SRGAP2: variants seen among roughly 807,000 people sequenced by gnomAD.
SRGAP2 encodes the protein SLIT-ROBO Rho GTPase-activating protein 2.
In SRGAP2, 15 loss-of-function variants were observed where a neutral mutation model predicts 57.2. The observed-to-expected ratio is 0.26, with a 90% confidence interval of 0.18 to 0.40. The LOEUF is 0.40. Among genes scored for constraint, SRGAP2 ranks in the 10% least tolerant of loss-of-function variants. The probability of loss-of-function intolerance (pLI) is 1.00; values close to 1 mark genes in which losing one functional copy is unlikely to be tolerated. For synonymous variants in SRGAP2, 249 were observed against 248.0 expected, an observed-to-expected ratio of 1.00 and a Z score of -0.04; for missense variants, 520 against 669.6, an observed-to-expected ratio of 0.78 and a Z score of 2.47.
At chr1:206,426,741 C>A (rs1660833720) in intron 13 of SRGAP2, among the ~76,000 whole-genome samples, 1 of 152,152 alleles carries the variant, frequency 6.6e-6, no homozygotes, top group South Asian at 2.1e-4. Context: ...TTTTCACATA[C>A]CTGTTGGCCA....
intron 21 of SRGAP2, 90 bp from the exon 22 acceptor site, chr1:206,458,533 G>T (rs763948486): frequency 3.5e-4 from 238 of 688,326 alleles, no homozygotes; most frequent in Non-Finnish European, 5.3e-4. Flanking sequence ...CGAAGTCCCT[G>T]GGTGCCAACA....
At chr1:206,433,186 G>A (rs552149824) in intron 14 of SRGAP2, among the ~76,000 whole-genome samples, 60 of 152,246 alleles carry the variant, frequency 3.9e-4, no homozygotes, top group African/African-American at 1.3e-3. Flanking sequence ...ATGCAGGAAG[G>A]ATGAATCTAG....
intron 2 of SRGAP2, among the ~76,000 whole-genome samples, chr1:206,252,465 G>T: frequency 9.3e-6 from 1 of 108,106 alleles, no homozygotes; most frequent in Admixed American, 1.0e-4. Context: ...CCATTCTTTG[G>T]CAGATATTAT....
At chr1:206,255,810 A>T (rs1301153700) in intron 2 of SRGAP2, among the ~76,000 whole-genome samples, 1 of 152,118 alleles carries the variant, frequency 6.6e-6, no homozygotes, top group Non-Finnish European at 1.5e-5. Context: ...GTAGGGAAAA[A>T]GCTCTAGGAG....
chr1:206,327,810 T>TTC (rs1674064749), intron 3 of SRGAP2, among the ~76,000 whole-genome samples: 1 of 118,542 alleles, frequency 8.4e-6, no homozygotes, highest in Non-Finnish European at 1.6e-5. Context: ...TGAATCATTT[T>TTC]TTTTTTTTTT....
At chr1:206,416,070 T>C (rs1329262659) in intron 11 of SRGAP2, 97 bp downstream of exon 11, 6 of 644,914 alleles carry the variant, frequency 9.3e-6, no homozygotes, top group Non-Finnish European at 1.7e-5. Context: ...GTGGACCCGA[T>C]CTTGTTGTAT....
intron 4 of SRGAP2, among the ~76,000 whole-genome samples, chr1:206,360,748 C>G (rs576078447): frequency 6.6e-6 from 1 of 151,810 alleles, no homozygotes; most frequent in African/African-American, 2.4e-5. Context: ...GGAAGAGCCA[C>G]TGATTCTAGT....
intron 10 of SRGAP2, among the ~76,000 whole-genome samples, chr1:206,411,750 G>A (rs532943354): frequency 3.0e-4 from 45 of 152,308 alleles, no homozygotes; most frequent in African/African-American, 1.1e-3. Context: ...TATTTAAAGG[G>A]AAGAGGTTTT....
At position 206,454,000 on chromosome 1, in the gene SRGAP2, A is replaced by G; in HGVS notation, c.2360+620A>G. ...ATCTCATCTGATAGGCTGTTGGTTG[A>G]TTCTCACACTTTGAAGCAGTTGTCC... On this transcript the variant is annotated intron_variant, in intron 20 of 22. Coordinates refer to ENST00000573034, the MANE Select transcript of SRGAP2 (RefSeq NM_015326.5). 6 of 644,724 alleles carry G rather than the reference A, an allele frequency of 9.3e-6. No individual in the cohort carries two copies. The South Asian group carries it at 1.1e-4, about 11-fold the overall frequency. The allele number at this position is 644,724 out of a possible 1,614,324, so 39.9% of individuals were successfully genotyped here. A position where few individuals can be genotyped will look rare whatever the true frequency, so the allele number is the denominator to read the frequency against.
rs1553377838 is a variant in SRGAP2 at position 206,454,969 on chromosome 1, G to A, written c.2452G>A (p.Ala818Thr). 1.0e-5 allele frequency: 8 copies of A among 780,792 alleles called. No homozygotes were observed. The highest frequency in any genetic ancestry group is 3.4e-5 in the African/African-American group (2 of 59,136). 48.4% of individuals were successfully genotyped at this position (780,792 alleles called of 1,614,324 possible). The change falls in exon 21 of 23, where the codon GCC becomes ACC. Residue 818 changes from alanine (A) to threonine (T), a missense_variant. Ala to Thr is a moderately conservative substitution (Grantham distance 58, BLOSUM62 0). Transcript: ENST00000573034. The surrounding 1 kb of genome is among the most constrained non-coding windows in gnomAD (Gnocchi z 4.3). ...PEEKVTARAGASCPSGGHVAD... is the reference protein window; with the variant it reads ...PEEKVTARAGTSCPSGGHVAD... ...AGAAAAGGTGACAGCCAGAGCGGGGGCCAGCTGTCCCAGTGGGGGTCATGT... is the reference window on the plus strand; with the variant it reads ...AGAAAAGGTGACAGCCAGAGCGGGGACCAGCTGTCCCAGTGGGGGTCATGT...
chr1:206,290,641 C>CAAA (rs1237811129), intron 2 of SRGAP2, among the ~76,000 whole-genome samples: 555 of 40,554 alleles, frequency 0.014, 1 homozygote, highest in Non-Finnish European at 0.017. Flanking sequence ...GACTCCATCT[C>CAAA]AAAAAAAAAA....
chr1:206,336,925 C>CTTTTTT (rs1674820081), intron 3 of SRGAP2, among the ~76,000 whole-genome samples: 1 of 80,866 alleles, frequency 1.2e-5, no homozygotes, highest in Non-Finnish European at 2.2e-5. Flanking sequence ...TTATTCACCA[C>CTTTTTT]ATACTTGTAT....
At chr1:206,275,701 G>T (rs1222018563) in intron 2 of SRGAP2, among the ~76,000 whole-genome samples, 1 of 148,572 alleles carries the variant, frequency 6.7e-6, no homozygotes, top group East Asian at 2.0e-4. Flanking sequence ...TGCAACCTCC[G>T]CCTCTCCCGG....
At chr1:206,311,327 A>G (rs1418113639) in intron 3 of SRGAP2, among the ~76,000 whole-genome samples, 3 of 152,198 alleles carry the variant, frequency 2.0e-5, no homozygotes, top group Non-Finnish European at 2.9e-5. Context: ...CCATCCATAC[A>G]GAGTGCCACA....
chr1:206,452,094 T>C (rs568835443), intron 19 of SRGAP2, among the ~76,000 whole-genome samples: 120 of 152,322 alleles, frequency 7.9e-4, no homozygotes, highest in African/African-American at 2.8e-3. Flanking sequence ...CATGCACACA[T>C]ACCACTTACT....
intron 10 of SRGAP2, among the ~76,000 whole-genome samples, chr1:206,412,153 A>G (rs1369483722): frequency 2.6e-5 from 4 of 152,240 alleles, no homozygotes; most frequent in Non-Finnish European, 5.9e-5. Flanking sequence ...ACGTCTATCA[A>G]GGAGGGAATG....
At chr1:206,455,966 A>T (rs1663799760) in intron 21 of SRGAP2, 1 of 152,294 alleles carries the variant, frequency 6.6e-6, no homozygotes, top group Admixed American at 6.5e-5. Context: ...CAGGCCCTGA[A>T]ACCTGGCCCC....
At chr1:206,267,804 A>G (rs1303248602) in intron 2 of SRGAP2, among the ~76,000 whole-genome samples, 1 of 148,952 alleles carries the variant, frequency 6.7e-6, no homozygotes, top group Non-Finnish European at 1.5e-5. Context: ...AGTGACAAAT[A>G]TAAAACTAAA....
chr1:206,317,925 T>A (rs1673172177), intron 3 of SRGAP2, among the ~76,000 whole-genome samples: 1 of 151,692 alleles, frequency 6.6e-6, no homozygotes, highest in Non-Finnish European at 1.5e-5. Context: ...GATTAGAAAA[T>A]GAATCGAACA....
Sources: allele counts gnomAD v4.1 joint callset (sites outside exome capture counted in the v4.1 genomes callset), GRCh38; gene constraint gnomAD v4.1.1; non-coding constraint Gnocchi (gnomAD v3.1); transcripts MANE v1.5; gene names NCBI Gene and HGNC (gene_info 2026-07-23, HGNC 2026-07-21).